The following ZNF124 variants were observed in gnomAD, a reference collection of about 807,000 sequenced individuals.
ZNF124 encodes zinc finger protein HZF-16.
A neutral mutation model predicts 26.6 loss-of-function variants in ZNF124; 25 were observed. That is an observed-to-expected ratio of 0.94 (90% CI 0.68 to 1.31). The LOEUF is 1.31. Ranked by LOEUF, ZNF124 falls within the 40% of genes most tolerant of loss-of-function variation. ZNF124 has a pLI of 0.00. For missense variants in ZNF124, 444 were observed against 422.2 expected, an observed-to-expected ratio of 1.05 and a Z score of -0.45; for synonymous variants, 129 against 133.3, an observed-to-expected ratio of 0.97 and a Z score of 0.22.
downstream of ZNF124, among the ~76,000 whole-genome samples, chr1:247,151,224 A>C (rs1160498487): frequency 6.6e-6 from 1 of 151,998 alleles, no homozygotes; most frequent in East Asian, 1.9e-4. Context: ...TCACGCCTGT[A>C]ATCCCAGCAC....
At chr1:247,138,770 T>G (rs1348398623) in intron 3 of ZNF124, 15 of 398,392 alleles carry the variant, frequency 3.8e-5, no homozygotes, top group Non-Finnish European at 6.6e-5. Context: ...GTAGGAAAAT[T>G]GAAAGTGTAA....
chr1:247,125,739 C>T (rs1369618238), intron 3 of ZNF124, among the ~76,000 whole-genome samples: 1 of 152,070 alleles, frequency 6.6e-6, no homozygotes, highest in Non-Finnish European at 1.5e-5. Flanking sequence ...TTTAGTCATC[C>T]TACTGGGAAT....
intron 3 of ZNF124, among the ~76,000 whole-genome samples, chr1:247,137,186 AAAAC>A (rs982307333): frequency 9.2e-5 from 14 of 151,994 alleles, no homozygotes; most frequent in Admixed American, 5.3e-4. Flanking sequence ...AAACCTGACA[AAAAC>A]AAGCAATGAA....
At position 247,159,052 on chromosome 1, in the gene ZNF124, C is replaced by T. The variant is rs774395747; in HGVS notation, c.172G>A (p.Asp58Asn). 6.2e-7 allele frequency: 1 copy of T among 1,611,992 alleles called. No homozygotes were observed. The highest frequency in any genetic ancestry group is 1.1e-5 in the South Asian group (1 of 90,418). ...TTGTACTGATCTTCAATGCTCTGGTCTTCCCCTTTGTTTCCTAAAATGTAG... is the reference window on the plus strand; with the variant it reads ...TTGTACTGATCTTCAATGCTCTGGTTTTCCCCTTTGTTTCCTAAAATGTAG... ...NLASIGNKGE[D>N]QSIEDQYKNS... Residue 58 changes from aspartate to asparagine, a missense_variant, in exon 3 of 4, where the codon GAC (aspartate) becomes AAC (asparagine). Transcript: ENST00000543802.
At chr1:247,146,868 C>G (rs1672793799) in intron 3 of ZNF124, among the ~76,000 whole-genome samples, 1 of 152,140 alleles carries the variant, frequency 6.6e-6, no homozygotes. Context: ...CTGCTGGCAT[C>G]AAGGCAGAAT....
downstream of ZNF124, among the ~76,000 whole-genome samples, chr1:247,154,942 C>T (rs1308785371): frequency 6.6e-6 from 1 of 151,096 alleles, no homozygotes; most frequent in East Asian, 1.9e-4. Flanking sequence ...ACTTCAACAA[C>T]ACTTGACAAT....
rs970591020 is a variant in ZNF124 at position 247,168,416 on chromosome 1, C to T, written c.30+3432G>A. Reference sequence around the variant, plus strand: ...GGCGTGATGGTGCATGCCTGTAGTCCCAGCTACTTGGGAGGCTAAGGCATG... The same window carrying T: ...GGCGTGATGGTGCATGCCTGTAGTCTCAGCTACTTGGGAGGCTAAGGCATG... On this transcript the variant is annotated intron_variant, in intron 1 of 3. Transcript: ENST00000543802. This position sits in a 1 kb window ranked among gnomAD's most constrained non-coding sequence, Gnocchi z 4.0. Among the ~76,000 whole-genome samples, 1 of 152,168 alleles carries T rather than the reference C, an allele frequency of 6.6e-6. No individual in the cohort carries two copies. Among genetic ancestry groups the T allele is most frequent in the Middle Eastern group, 3.2e-3 (1 of 316 alleles).
At chr1:247,150,398 T>C (rs1467014125), downstream of ZNF124, among the ~76,000 whole-genome samples, 1 of 152,180 alleles carries the variant, frequency 6.6e-6, no homozygotes, top group Non-Finnish European at 1.5e-5. Context: ...TATACAGTCT[T>C]CACAGAAAAG....
intron 1 of ZNF124, 127 bp from the exon 2 acceptor site, chr1:247,159,940 A>T: frequency 2.1e-6 from 2 of 975,056 alleles, no homozygotes; most frequent in Non-Finnish European, 2.9e-6. Flanking sequence ...CACTAGAACT[A>T]TGACTCTGTC....
chr1:247,135,458 C>T (rs9803774), intron 3 of ZNF124, among the ~76,000 whole-genome samples: 10,590 of 151,748 alleles, frequency 0.07, 1,260 homozygotes, highest in African/African-American at 0.24. Context: ...AATTCTTGGA[C>T]TCCTACCAAG....
chr1:247,160,518 T>C (rs190288020), intron 1 of ZNF124, among the ~76,000 whole-genome samples: 1 of 152,352 alleles, frequency 6.6e-6, no homozygotes, highest in African/African-American at 2.4e-5. Context: ...CAACCTTTGC[T>C]GGTATGAGGG....
At chr1:247,153,526 A>G (rs1673006549), downstream of ZNF124, among the ~76,000 whole-genome samples, 1 of 152,248 alleles carries the variant, frequency 6.6e-6, no homozygotes, top group South Asian at 2.1e-4. Context: ...ATGTGAGCAC[A>G]TCACATAACT....
chr1:247,143,820 A>G (rs1482989933), intron 3 of ZNF124, among the ~76,000 whole-genome samples: 1 of 152,218 alleles, frequency 6.6e-6, no homozygotes, highest in Admixed American at 6.5e-5. Flanking sequence ...CAATGGGATC[A>G]GTGCTCCATA....
intron 3 of ZNF124, among the ~76,000 whole-genome samples, chr1:247,127,650 A>C (rs1474622140): frequency 6.8e-6 from 1 of 148,012 alleles, no homozygotes; most frequent in Non-Finnish European, 1.5e-5. Flanking sequence ...AGCACTGTGA[A>C]AATCCCTGTC....
chr1:247,145,317 G>C (rs1672734169), intron 3 of ZNF124, among the ~76,000 whole-genome samples: 1 of 152,160 alleles, frequency 6.6e-6, no homozygotes, highest in Admixed American at 6.5e-5. Flanking sequence ...AGTGCAAATG[G>C]TTCTGAAATT....
Position 247,157,129 on chromosome 1 carries a change from GA to G in ZNF124, c.492del (p.Asn166IlefsTer88). 1 of 1,613,948 alleles carries G rather than the reference GA, an allele frequency of 6.2e-7. No homozygotes were observed. Among genetic ancestry groups the G allele is most frequent in the South Asian group, 1.1e-5 (1 of 91,072 alleles). Reference sequence around the variant, plus strand: ...GTGTGAATCCTTTTATGTCTATTAAGAGAACGGGAAAAACCTAAGGCTTTCC... The same window carrying G: ...GTGTGAATCCTTTTATGTCTATTAAGGAACGGGAAAAACCTAAGGCTTTCC... ...ECGKALGFSRSLNRHKRIHTG... is the reference protein window; with the variant it reads ...ECGKALGFSRXLNRHKRIHTG... On this transcript the variant is annotated frameshift_variant, in exon 4 of 4. Coordinates refer to ENST00000543802, the MANE Select transcript of ZNF124 (RefSeq NM_001297568.2). LOFTEE classifies it high-confidence loss of function.
At chr1:247,127,948 A>G (rs1672250883) in intron 3 of ZNF124, among the ~76,000 whole-genome samples, 1 of 152,070 alleles carries the variant, frequency 6.6e-6, no homozygotes, top group Non-Finnish European at 1.5e-5. Context: ...TATTTCCACA[A>G]GGGTACTGGT....
chr1:247,139,137 G>A (rs543140532), intron 3 of ZNF124, among the ~76,000 whole-genome samples: 63 of 152,228 alleles, frequency 4.1e-4, no homozygotes, highest in Middle Eastern at 3.4e-3. Flanking sequence ...GCTGTGCTCC[G>A]ATCACCCTGG....
chr1:247,153,058 G>A (rs1251413955), downstream of ZNF124, among the ~76,000 whole-genome samples: 2 of 151,734 alleles, frequency 1.3e-5, no homozygotes, highest in African/African-American at 2.4e-5. Flanking sequence ...GCTTGAACCC[G>A]GGAGGTGGAG....
Sources: allele counts gnomAD v4.1 joint callset (sites outside exome capture counted in the v4.1 genomes callset), GRCh38; gene constraint gnomAD v4.1.1; non-coding constraint Gnocchi (gnomAD v3.1); transcripts MANE v1.5; gene names NCBI Gene and HGNC (gene_info 2026-07-23, HGNC 2026-07-21).